The following NCOA6 variants were observed in gnomAD, a reference collection of about 807,000 sequenced individuals.
NCOA6 encodes the protein nuclear receptor coactivator 6, also known as NRC RAP250.
NCOA6 carries 49 observed loss-of-function variants against 171.4 expected under a neutral mutation model. That is an observed-to-expected ratio of 0.29 (90% CI 0.23 to 0.36). NCOA6 has a LOEUF of 0.36. Among genes scored for constraint, NCOA6 ranks in the 10% least tolerant of loss-of-function variants. The probability of loss-of-function intolerance (pLI) is 1.00; values close to 1 mark genes in which losing one functional copy is unlikely to be tolerated. For missense variants in NCOA6, 2,248 were observed against 2,554.5 expected, an observed-to-expected ratio of 0.88 and a Z score of 2.59; for synonymous variants, 910 against 927.5, an observed-to-expected ratio of 0.98 and a Z score of 0.34.
At chr20:34,739,172 A>G (rs192383867) in intron 11 of NCOA6, among the ~76,000 whole-genome samples, 4 of 152,364 alleles carry the variant, frequency 2.6e-5, no homozygotes, top group Admixed American at 2.0e-4. Flanking sequence ...AACTAGATAC[A>G]CAAATGGAAT....
chr20:34,772,313 CA>C (rs200276752), intron 4 of NCOA6, among the ~76,000 whole-genome samples: 1,618 of 93,752 alleles, frequency 0.017, 9 homozygotes, highest in African/African-American at 0.038. Flanking sequence ...GACTTTGTCT[CA>C]AAAAAAAAAA....
At chr20:34,730,456 T>A (rs965331410) in intron 13 of NCOA6, among the ~76,000 whole-genome samples, 2 of 152,140 alleles carry the variant, frequency 1.3e-5, no homozygotes, top group African/African-American at 4.8e-5. Flanking sequence ...ATCCTGTTTT[T>A]TATGGTCAAT....
At chr20:34,738,957 A>G (rs1355479734) in intron 11 of NCOA6, 2 of 455,946 alleles carry the variant, frequency 4.4e-6, no homozygotes, top group African/African-American at 2.0e-5. Flanking sequence ...TAGGCACTTA[A>G]TTAGCTGGCC....
intron 3 of NCOA6, among the ~76,000 whole-genome samples, chr20:34,781,238 C>A (rs1272475679): frequency 6.6e-6 from 1 of 151,988 alleles, no homozygotes; most frequent in African/African-American, 2.4e-5. Flanking sequence ...AAGATAAAAC[C>A]CCCAAGCCTT....
chr20:34,736,624 G>A (rs1353589689), intron 12 of NCOA6, 66 bp downstream of exon 12: 1 of 1,312,646 alleles, frequency 7.6e-7, no homozygotes, highest in African/African-American at 1.5e-5. Flanking sequence ...CGACATTGAG[G>A]ACAGCAGTAG....
Position 34,758,122 on chromosome 20 carries a change from A to G in NCOA6, c.644-18T>C. ...CATTGCATCTGTTTAAAGATAGTCA[A>G]CAAAGCAATAATTAACCTACTGCAA... On this transcript the variant is annotated intron_variant, in intron 6 of 14. Coordinates refer to ENST00000359003, the MANE Select transcript of NCOA6 (RefSeq NM_014071.5). The G allele has an allele frequency of 6.3e-7, 1 of 1,583,826 alleles. No homozygotes were observed. The highest frequency in any genetic ancestry group is 8.6e-7 in the Non-Finnish European group (1 of 1,162,700).
chr20:34,783,717 G>A (rs1407020267), intron 2 of NCOA6, among the ~76,000 whole-genome samples: 1 of 152,080 alleles, frequency 6.6e-6, no homozygotes, highest in African/African-American at 2.4e-5. Context: ...CCACCTCCCA[G>A]GTTCAAGCAA....
intron 8 of NCOA6, 78 bp from the exon 9 acceptor site, chr20:34,750,597 C>T (rs2076445013): frequency 2.2e-6 from 3 of 1,389,808 alleles, no homozygotes; most frequent in Non-Finnish European, 1.9e-6. Flanking sequence ...AGTTACATTA[C>T]TCAGAAAGAC....
chr20:34,733,983 G>T (rs1206808882), intron 12 of NCOA6, among the ~76,000 whole-genome samples: 1 of 151,780 alleles, frequency 6.6e-6, no homozygotes, highest in Non-Finnish European at 1.5e-5. Context: ...CTGAGTCTCT[G>T]CTACTTTGCT....
chr20:34,742,221 C>G lies in NCOA6; in HGVS notation c.4035G>C (p.Gly1345=), dbSNP rs1942875186. The part of the protein sequence containing the change: ...GSSRKTTPSP[G]RQNSKAPKLT... ...GTTTAGGGGCTTTTGAATTTTGCCT[C>G]CCAGGGCTTGGAGTGGTTTTCCTAC... The change falls in exon 11 of 15, where the codon GGG becomes GGC. Residue 1345 remains glycine, a synonymous_variant. Transcript: ENST00000359003. The G allele has an allele frequency of 1.2e-6, 2 of 1,614,076 alleles. No homozygotes were observed. The highest frequency in any genetic ancestry group is 1.1e-5 in the South Asian group (1 of 91,076).
Position 34,741,758 on chromosome 20 carries a change from C to T in NCOA6, c.4498G>A (p.Ala1500Thr). The change falls in exon 11 of 15, where the codon GCT becomes ACT. Residue 1500 changes from alanine to threonine, a missense_variant. Physicochemically the swap from Ala to Thr is moderately conservative, Grantham distance 58. Transcript: ENST00000359003. ...GGGGGTTTAATTGTCACATTGGGAG[C>T]TCCAGAGTTGTCAAGAAGTTGACTT... ...SLSQLLDNSG[A>T]PNVTIKPPGL... 6.2e-7 allele frequency: 1 copy of T among 1,614,166 alleles called. No individual in the cohort carries two copies. The highest frequency in any genetic ancestry group is 1.7e-5 in the Admixed American group (1 of 60,016).
chr20:34,736,852 A>G, intron 11 of NCOA6, 94 bp from the exon 12 acceptor site: 1 of 1,091,140 alleles, frequency 9.2e-7, no homozygotes, highest in Non-Finnish European at 1.3e-6. Flanking sequence ...AACTGCTGAA[A>G]CAATGTACTC....
chr20:34,758,575 G>A (rs1238154999), intron 6 of NCOA6, among the ~76,000 whole-genome samples: 1 of 152,124 alleles, frequency 6.6e-6, no homozygotes, highest in African/African-American at 2.4e-5. Flanking sequence ...GGACTACGCA[G>A]GCCAAGGCAC....
In NCOA6 at chr20:34,751,376, C is replaced by CAAAAAAAAAAAAAAA. The variant is rs35848122; in HGVS notation, c.1676-872_1676-858dup. Among the ~76,000 whole-genome samples, 123 of 68,204 alleles carry CAAAAAAAAAAAAAAA rather than the reference C, an allele frequency of 1.8e-3. 5 individuals are homozygous for CAAAAAAAAAAAAAAA. The highest frequency in any genetic ancestry group is 4.1e-3 in the African/African-American group (69 of 16,710). The allele number at this position is 68,204 out of a possible 152,430, so 44.7% of individuals were successfully genotyped here. A position where few individuals can be genotyped will look rare whatever the true frequency, so the allele number is the denominator to read the frequency against. On this transcript the variant is annotated intron_variant, in intron 8 of 14. Transcript: ENST00000359003. The stretch of plus-strand genomic sequence containing the variant: ...TGGGCGACAGAGCAAGACTCCGTCT[C>CAAAAAAAAAAAAAAA]AAAAAAAAAAAAAAAAAAAAGAATG...
intron 11 of NCOA6, among the ~76,000 whole-genome samples, chr20:34,738,015 C>G (rs1213647447): frequency 6.6e-6 from 1 of 152,206 alleles, no homozygotes; most frequent in East Asian, 1.9e-4. Flanking sequence ...CCTCCCACCT[C>G]AGCCTTCTGA....
chr20:34,718,105 C>CAA (rs535408799), intron 14 of NCOA6, among the ~76,000 whole-genome samples: 1 of 151,922 alleles, frequency 6.6e-6, no homozygotes, highest in African/African-American at 2.4e-5. Flanking sequence ...CTAGAAACTG[C>CAA]AAAAAAACCC....
At position 34,817,207 on chromosome 20, in the gene NCOA6, ATCAGT is replaced by A. The variant is rs1335803060; in HGVS notation, c.-164+8260_-164+8264del. Among the ~76,000 whole-genome samples the A allele has an allele frequency of 8.0e-4, 105 of 130,594 alleles. 25 individuals carry two copies. The highest frequency in any genetic ancestry group is 4.3e-3 in the Middle Eastern group (1 of 232). 85.7% of individuals were successfully genotyped at this position (130,594 alleles called of 152,430 possible). A position where few individuals can be genotyped will look rare whatever the true frequency, so the allele number is the denominator to read the frequency against. ...GGAACTGATATTCAACAGATTCAATATCAGTAAAGGAGCTGATTAATGGGAACTTT... is the reference window on the plus strand; with the variant it reads ...GGAACTGATATTCAACAGATTCAATAAAAGGAGCTGATTAATGGGAACTTT... On this transcript the variant is annotated intron_variant, in intron 1 of 14. Transcript: ENST00000359003.
chr20:34,794,091 A>G (rs1226708711), intron 1 of NCOA6, among the ~76,000 whole-genome samples: 3 of 152,220 alleles, frequency 2.0e-5, no homozygotes, highest in African/African-American at 7.2e-5. Context: ...CGGTAGTGCA[A>G]ATTGGTACAC....
In NCOA6 at chr20:34,740,538, A is replaced by G. The variant is rs761693940; in HGVS notation, c.5718T>C (p.Pro1906=). Residue 1906 remains proline, a synonymous_variant, in exon 11 of 15, where the codon CCT becomes CCC. Coordinates refer to ENST00000359003, the MANE Select transcript of NCOA6 (RefSeq NM_014071.5). ...GTACACTGGTGGGGAGAGCACCGCC[A>G]GGTAAGCTGGGTCCTGCTGAGGCAG... is the stretch of plus-strand genomic sequence containing the variant. ...PGTASAGPSL[P]GGALPTSVRS... 3.1e-6 allele frequency: 5 copies of G among 1,614,020 alleles called. No individual in the cohort carries two copies. In the African/African-American group the frequency reaches 4.0e-5, roughly 13 times the overall value.
Sources: gnomAD v4.1 joint callset for allele counts (sites outside exome capture counted in the v4.1 genomes callset) on GRCh38, gnomAD v4.1.1 for gene constraint, MANE v1.5 for transcripts, NCBI Gene and HGNC (gene_info 2026-07-23, HGNC 2026-07-21) for gene names.